The following NCBP3 variants were observed in gnomAD, a reference collection of about 807,000 sequenced individuals.
NCBP3 encodes the protein nuclear cap binding subunit 3, also known as nuclear cap-binding protein subunit 3.
Under a neutral mutation model 75.7 loss-of-function variants are expected in NCBP3, and 20 were observed. The observed-to-expected ratio is 0.26, with a 90% CI of 0.19 to 0.38. NCBP3 has a LOEUF of 0.38. Ranked by LOEUF, NCBP3 falls within the 10% of genes least tolerant of loss-of-function variation. The probability of loss-of-function intolerance (pLI) is 1.00; values close to 1 mark genes in which losing one functional copy is unlikely to be tolerated. For missense variants in NCBP3, 678 were observed against 796.9 expected (o/e 0.85, Z 1.80); for synonymous variants, 293 against 290.5 (o/e 1.01, Z -0.09).
Position 3,843,147 on chromosome 17 carries a change from G to C in NCBP3, c.188C>G (p.Thr63Arg), listed in dbSNP as rs371877612. ...AGCCTTGTTTTCATATCTTCTGCTC[G>C]TGTCCTAACACAAAGGGGAAGGGTG... ...RRSLKELIPD[T>R]SRRYENKAGS... is the part of the protein sequence containing the mutation. The change falls in exon 2 of 13, where the codon ACG (threonine) becomes AGG (arginine). Residue 63 changes from threonine (T) to arginine (R), a missense_variant. Around this residue, in one of 7 missense-constraint regions of NCBP3, gnomAD observed 46 missense variants for 82.8 expected, o/e 0.56. Transcript: ENST00000389005. The C allele has an allele frequency of 7.7e-6, 12 of 1,551,258 alleles. No homozygotes were observed. Among genetic ancestry groups the C allele is most frequent in the Middle Eastern group, 1.7e-4 (1 of 5,992 alleles).
intron 8 of NCBP3, among the ~76,000 whole-genome samples, 168 bp downstream of exon 8, chr17:3,821,785 G>A (rs1010455340): frequency 1.3e-5 from 2 of 152,186 alleles, no homozygotes; most frequent in African/African-American, 4.8e-5. Context: ...TATTTTAAAT[G>A]TAACTACAAT....
rs1444749182 is a variant in NCBP3 at position 3,809,748 on chromosome 17, A to G, written c.*3296T>C. 3 of 152,184 alleles carry G rather than the reference A, an allele frequency of 2.0e-5. No homozygotes were observed. The highest frequency in any genetic ancestry group is 4.4e-5 in the Non-Finnish European group (3 of 68,042). 9.4% of individuals were successfully genotyped at this position (152,184 alleles called of 1,614,324 possible). ...AATAGAAATATATATATATAGCCCT[A>G]AAGTAGAAACAACTCAAATGCCCAT... On this transcript the variant is annotated 3_prime_UTR_variant, in exon 13 of 13. Coordinates refer to ENST00000389005, the MANE Select transcript of NCBP3 (RefSeq NM_001114118.3).
intron 3 of NCBP3, among the ~76,000 whole-genome samples, chr17:3,829,782 C>T (rs2053846515): frequency 1.3e-5 from 2 of 152,044 alleles, no homozygotes; most frequent in Admixed American, 1.3e-4. Context: ...AGAGATGCTG[C>T]CCGTGACTAT....
rs201073568 is a variant in NCBP3 at position 3,818,606 on chromosome 17, G to A, written c.1001-34C>T. 3.4e-4 allele frequency: 525 copies of A among 1,564,884 alleles called. 2 individuals are homozygous for A. The African/African-American group carries it at 6.3e-3, about 19-fold the overall frequency. On this transcript the variant is annotated intron_variant, in intron 9 of 12. Coordinates refer to ENST00000389005, the MANE Select transcript of NCBP3 (RefSeq NM_001114118.3). This position sits in a 1 kb window ranked among gnomAD's most constrained non-coding sequence, Gnocchi z 4.7. ...ATTTAACCAGAAAACATTAGGAAAA[G>A]CACTAAAATTAACAAGTATGATTTT...
chr17:3,818,231 TA>T lies in NCBP3; in HGVS notation c.1310+31del. ...GTTATACTAGTATTTAAAATCAAATTAAAAGCTAGCTTTGATAAAACAAATT... is the reference window on the plus strand; with the variant it reads ...GTTATACTAGTATTTAAAATCAAATTAAAGCTAGCTTTGATAAAACAAATT... On this transcript the variant is annotated intron_variant, in intron 10 of 12. Transcript: ENST00000389005. This position sits in a 1 kb window ranked among gnomAD's most constrained non-coding sequence, Gnocchi z 4.7. The T allele has an allele frequency of 2.1e-6, 3 of 1,445,594 alleles. No individual in the cohort carries two copies. Among genetic ancestry groups the T allele is most frequent in the Non-Finnish European group, 2.8e-6 (3 of 1,063,280 alleles). 89.5% of individuals were successfully genotyped at this position (1,445,594 alleles called of 1,614,324 possible). A position where few individuals can be genotyped will look rare whatever the true frequency, so the allele number is the denominator to read the frequency against.
At chr17:3,815,641 T>A (rs2053516181) in intron 11 of NCBP3, among the ~76,000 whole-genome samples, 1 of 152,266 alleles carries the variant, frequency 6.6e-6, no homozygotes. Flanking sequence ...ATCGAATACA[T>A]GTGGAAAAAA....
At chr17:3,825,090 C>T (rs1361482184) in intron 6 of NCBP3, 40 bp from the exon 7 acceptor site, 8 of 1,168,090 alleles carry the variant, frequency 6.8e-6, no homozygotes, top group Non-Finnish European at 9.6e-6. Flanking sequence ...AAATTAAAGT[C>T]CTTTTGATAT....
chr17:3,843,203 T>C (rs2054097170), intron 1 of NCBP3, 52 bp from the exon 2 acceptor site: 2 of 1,453,790 alleles, frequency 1.4e-6, no homozygotes, highest in Non-Finnish European at 1.9e-6. Flanking sequence ...AGGAAAAACC[T>C]ATAATAAAAG....
intron 12 of NCBP3, 71 bp downstream of exon 12, chr17:3,814,251 T>C (rs1016224835): frequency 7.3e-6 from 11 of 1,497,370 alleles, no homozygotes; most frequent in Non-Finnish European, 1.0e-5. Context: ...TAAGAAAGTA[T>C]TTCTCCAATA....
chr17:3,818,325 T>C lies in NCBP3; in HGVS notation c.1248A>G (p.Pro416=). The C allele has an allele frequency of 6.2e-7, 1 of 1,614,080 alleles. No homozygotes were observed. Among genetic ancestry groups the C allele is most frequent in the Non-Finnish European group, 8.5e-7 (1 of 1,179,988 alleles). Residue 416 remains proline (P), a synonymous_variant, in exon 10 of 13, where the codon CCA becomes CCG. Coordinates refer to ENST00000389005, the MANE Select transcript of NCBP3 (RefSeq NM_001114118.3). This position sits in a 1 kb window ranked among gnomAD's most constrained non-coding sequence, Gnocchi z 4.7. ...ACATAGTCATTTTCATGCTTTTCTTTGGTGAAGGCGTGGAAATCATTTTCA... is the reference window on the plus strand; with the variant it reads ...ACATAGTCATTTTCATGCTTTTCTTCGGTGAAGGCGTGGAAATCATTTTCA... ...LELKMISTPS[P]KKSMKMTMYA... is the part of the protein sequence containing the mutation.
At position 3,832,511 on chromosome 17, in the gene NCBP3, G is replaced by A. The variant is rs560750615; in HGVS notation, c.356-3143C>T. Among the ~76,000 whole-genome samples the A allele has an allele frequency of 4.9e-3, 584 of 119,260 alleles. 58 individuals carry two copies. Among genetic ancestry groups the A allele is most frequent in the Middle Eastern group, 0.019 (4 of 214 alleles). 78.2% of individuals were successfully genotyped at this position (119,260 alleles called of 152,430 possible). ...CCAGGTGTGGTGGCAGGCACCTGTA[G>A]TCCCAGCTACTCGGGAGGCTGAGGC... is the stretch of plus-strand genomic sequence containing the variant. On this transcript the variant is annotated intron_variant, in intron 3 of 12. Coordinates refer to ENST00000389005, the MANE Select transcript of NCBP3 (RefSeq NM_001114118.3).
chr17:3,822,185 C>A, intron 7 of NCBP3, 133 bp from the exon 8 acceptor site: 1 of 638,926 alleles, frequency 1.6e-6, no homozygotes. Context: ...AATCCACTAC[C>A]AACATTCACA....
At position 3,821,292 on chromosome 17, in the gene NCBP3, A is replaced by C. The variant is rs1489448606; in HGVS notation, c.957T>G (p.Ile319Met). The C allele has an allele frequency of 2.5e-6, 4 of 1,614,160 alleles. No homozygotes were observed. Among genetic ancestry groups the C allele is most frequent in the African/African-American group, 2.7e-5 (2 of 75,044 alleles). Residue 319 changes from isoleucine (I) to methionine (M), a missense_variant, in exon 9 of 13, where the codon ATT (isoleucine) becomes ATG (methionine). Physicochemically the swap from Ile to Met is conservative, Grantham distance 10 (BLOSUM62 1). Around this residue, in one of 7 missense-constraint regions of NCBP3, gnomAD observed 365 missense variants for 392.7 expected, o/e 0.93. Coordinates refer to ENST00000389005, the MANE Select transcript of NCBP3 (RefSeq NM_001114118.3). ...ACGACGTCAAGCCAACGTCATCCCC[A>C]ATCAGGGCTCTCTTCTTGATCACGT... is the stretch of plus-strand genomic sequence containing the variant. ...QRDVIKKRAL[I>M]GDDVGLTSYK...
chr17:3,813,260 T>C lies in NCBP3; in HGVS notation c.1647A>G (p.Leu549=). 1 of 1,614,098 alleles carries C rather than the reference T, an allele frequency of 6.2e-7. No homozygotes were observed. The highest frequency in any genetic ancestry group is 1.1e-5 in the South Asian group (1 of 91,078). The change falls in exon 13 of 13, where the codon CTA becomes CTG. Residue 549 remains leucine, a synonymous_variant. Transcript: ENST00000389005. ...EKKSGNLWTR[L]GSAPKTKEKN... is the part of the protein sequence containing the mutation. ...TTTCTTTGGTCTTGGGTGCAGATCC[T>C]AGGCGAGTCCATAAATTACCTGTTT... is the stretch of plus-strand genomic sequence containing the variant.
chr17:3,828,983 G>T (rs962256905), intron 4 of NCBP3, among the ~76,000 whole-genome samples: 1 of 152,152 alleles, frequency 6.6e-6, no homozygotes, highest in Admixed American at 6.5e-5. Context: ...AACTACGGCA[G>T]ATTCAGAGGC....
chr17:3,814,277 G>A (rs1297832167), intron 12 of NCBP3, 45 bp downstream of exon 12: 3 of 1,601,796 alleles, frequency 1.9e-6, no homozygotes, highest in East Asian at 2.2e-5. Flanking sequence ...ACTGTCCTCT[G>A]CTCTCACTGA....
intron 3 of NCBP3, among the ~76,000 whole-genome samples, chr17:3,832,400 G>A (rs150153818): frequency 0.019 from 2,265 of 119,172 alleles, 225 homozygotes; most frequent in African/African-American, 0.055. Flanking sequence ...TTGGGAGGCC[G>A]GGGCGGGCAG....
chr17:3,829,400 A>G (rs1159305301), intron 3 of NCBP3, 32 bp from the exon 4 acceptor site: 2 of 1,548,440 alleles, frequency 1.3e-6, no homozygotes, highest in Admixed American at 3.9e-5. Context: ...AAGATGATAG[A>G]ATTTTCCTGT....
rs1348457915 is a variant in NCBP3, at chr17:3,832,219, A to G, written c.356-2851T>C. 2.6e-5 allele frequency among the ~76,000 whole-genome samples: 3 copies of G among 115,606 alleles called. 1 individual carries two copies. Among genetic ancestry groups the G allele is most frequent in the Admixed American group, 1.8e-4 (2 of 11,248 alleles). 75.8% of individuals were successfully genotyped at this position (115,606 alleles called of 152,430 possible). On this transcript the variant is annotated intron_variant, in intron 3 of 12. Transcript: ENST00000389005. Reference sequence around the variant, plus strand: ...AAAAAAAAAAGAGGATGGATACCCCATTCTCCATGATGCGCTTATTTCATG... The same window carrying G: ...AAAAAAAAAAGAGGATGGATACCCCGTTCTCCATGATGCGCTTATTTCATG...
Sources: allele counts gnomAD v4.1 joint callset (sites outside exome capture counted in the v4.1 genomes callset), GRCh38; gene constraint gnomAD v4.1.1; regional missense constraint gnomAD v4.1.1; non-coding constraint Gnocchi (gnomAD v3.1); transcripts MANE v1.5; gene names NCBI Gene and HGNC (gene_info 2026-07-23, HGNC 2026-07-21).